The following BLOC1S3 variants were observed in gnomAD, a reference collection of about 807,000 sequenced individuals.
BLOC1S3 encodes the protein biogenesis of lysosome-related organelles complex 1 subunit 3.
BLOC1S3 carries 7 observed loss-of-function variants against 9.1 expected under a neutral mutation model. That is an observed-to-expected ratio of 0.77 (90% CI 0.44 to 1.45). BLOC1S3 has a LOEUF of 1.45. BLOC1S3 is among the 40% of genes most tolerant of loss of function. The probability of loss-of-function intolerance (pLI) is 0.01; values close to 1 mark genes in which losing one functional copy is unlikely to be tolerated. For missense variants in BLOC1S3, 307 were observed against 315.2 expected (o/e 0.97, Z 0.20); for synonymous variants, 145 against 158.4 (o/e 0.92, Z 0.64).
At chr19:45,212,918 A>G (rs1376670639) in intron 3 of BLOC1S3, 2 of 863,792 alleles carry the variant, frequency 2.3e-6, no homozygotes, top group South Asian at 2.3e-5. Flanking sequence ...CCTTCTGTAC[A>G]GGGAGTTTGG....
chr19:45,216,226 C>A, intron 3 of BLOC1S3: 1 of 1,609,420 alleles, frequency 6.2e-7, no homozygotes, highest in Non-Finnish European at 8.5e-7. Flanking sequence ...GGGTCACACC[C>A]TCCCAAGATT....
chr19:45,186,760 G>A (rs1399843938), downstream of BLOC1S3, among the ~76,000 whole-genome samples: 2 of 152,144 alleles, frequency 1.3e-5, no homozygotes, highest in Non-Finnish European at 2.9e-5. Flanking sequence ...ACCACACCCA[G>A]CCTCAACACC....
At chr19:45,204,568 G>T (rs557629953) in intron 3 of BLOC1S3, among the ~76,000 whole-genome samples, 235 of 152,208 alleles carry the variant, frequency 1.5e-3, no homozygotes, top group African/African-American at 5.5e-3. Context: ...TCATCCAAAG[G>T]CTCAGCTGGG....
intron 2 of BLOC1S3, among the ~76,000 whole-genome samples, chr19:45,189,494 G>A (rs1969589356): frequency 6.7e-6 from 1 of 149,544 alleles, no homozygotes; most frequent in South Asian, 2.1e-4. Context: ...GTGTAATGGT[G>A]CGATCTCACC....
At chr19:45,204,358 T>C (rs937244512) in intron 3 of BLOC1S3, among the ~76,000 whole-genome samples, 1 of 151,710 alleles carries the variant, frequency 6.6e-6, no homozygotes, top group Non-Finnish European at 1.5e-5. Context: ...CCCCAGCTAA[T>C]TTTTTTGTAT....
At chr19:45,203,974 C>T (rs4802249) in intron 3 of BLOC1S3, among the ~76,000 whole-genome samples, 2 of 152,016 alleles carry the variant, frequency 1.3e-5, no homozygotes, top group Admixed American at 6.6e-5. Flanking sequence ...AATATGACAT[C>T]TCATGGTTCA....
rs755013546 is a variant in BLOC1S3 at position 45,180,967 on chromosome 19, T to C, written c.*1062T>C. On this transcript the variant is annotated 3_prime_UTR_variant, in exon 2 of 2. Transcript: ENST00000433642. The stretch of plus-strand genomic sequence containing the variant: ...GTCTCGAACTCCTGGCCTCAGGTGA[T>C]CCACCCGCCTCACCTCCTAAAATGC... 2 of 166,188 alleles carry C rather than the reference T, an allele frequency of 1.2e-5. No individual in the cohort carries two copies. The highest frequency in any genetic ancestry group is 1.5e-5 in the Non-Finnish European group (1 of 68,220). The allele number at this position is 166,188 out of a possible 1,614,324, so 10.3% of individuals were successfully genotyped here.
At chr19:45,206,202 CA>C (rs547022330) in intron 3 of BLOC1S3, among the ~76,000 whole-genome samples, 1 of 151,438 alleles carries the variant, frequency 6.6e-6, no homozygotes, top group Non-Finnish European at 1.5e-5. Context: ...ATATATATAC[CA>C]AAAATTAGCT....
At chr19:45,184,903 C>CAAAACAAAAAAA (rs1969554675), downstream of BLOC1S3, among the ~76,000 whole-genome samples, 1 of 48,276 alleles carries the variant, frequency 2.1e-5, no homozygotes, top group Non-Finnish European at 4.0e-5. Flanking sequence ...CTGTCTCAAA[C>CAAAACAAAAAAA]AAAAAAAAAA....
At position 45,179,382 on chromosome 19, in the gene BLOC1S3, G is replaced by GC. The variant is rs1568469630; in HGVS notation, c.87dup (p.Ser30LeufsTer115). The stretch of plus-strand genomic sequence containing the variant: ...GAGGCGACCGAGACGGATTCCGAGC[G>GC]CTCTGCGTCCTCGTCGGAGGAGGAG... On this transcript the variant is annotated frameshift_variant, in exon 2 of 2. Transcript: ENST00000433642. LOFTEE classifies it high-confidence loss of function. The surrounding 1 kb of genome is among the most constrained non-coding windows in gnomAD (Gnocchi z 4.6). The GC allele has an allele frequency of 1.9e-6, 3 of 1,581,344 alleles. No homozygotes were observed. The highest frequency in any genetic ancestry group is 2.6e-6 in the Non-Finnish European group (3 of 1,171,914).
At chr19:45,214,881 C>T (rs780261797) in intron 3 of BLOC1S3, among the ~76,000 whole-genome samples, 10 of 152,032 alleles carry the variant, frequency 6.6e-5, no homozygotes, top group Non-Finnish European at 1.3e-4. Flanking sequence ...ATAGGCCAAG[C>T]GCAGTGGCTC....
chr19:45,201,182 G>C (rs891331821), intron 2 of BLOC1S3, among the ~76,000 whole-genome samples: 3 of 146,654 alleles, frequency 2.0e-5, no homozygotes, highest in Non-Finnish European at 3.0e-5. Flanking sequence ...CAGCCTGGGC[G>C]ACAGAGTAAG....
intron 2 of BLOC1S3, among the ~76,000 whole-genome samples, chr19:45,195,034 G>A (rs185868475): frequency 7.9e-5 from 12 of 151,126 alleles, no homozygotes; most frequent in East Asian, 7.8e-4. Context: ...CAGTTCAAGC[G>A]AGTCTCCTGC....
chr19:45,185,151 G>A (rs1969557948), downstream of BLOC1S3, among the ~76,000 whole-genome samples: 1 of 152,088 alleles, frequency 6.6e-6, no homozygotes, highest in African/African-American at 2.4e-5. Flanking sequence ...ACTGGGGTAA[G>A]AGAGACTATT....
At chr19:45,195,929 A>G (rs117783785) in intron 2 of BLOC1S3, among the ~76,000 whole-genome samples, 3,168 of 152,290 alleles carry the variant, frequency 0.021, 127 homozygotes, top group Admixed American at 0.11. Flanking sequence ...CTTGGAGAGC[A>G]TTCTAATCAG....
intron 3 of BLOC1S3, among the ~76,000 whole-genome samples, chr19:45,210,487 T>G (rs1413628185): frequency 6.6e-6 from 1 of 151,656 alleles, no homozygotes; most frequent in Non-Finnish European, 1.5e-5. Flanking sequence ...TTAGTAGAGA[T>G]GTGGTTTCTC....
intron 2 of BLOC1S3, among the ~76,000 whole-genome samples, chr19:45,190,657 C>T (rs190784933): frequency 6.6e-6 from 1 of 151,874 alleles, no homozygotes; most frequent in Non-Finnish European, 1.5e-5. Flanking sequence ...CCACCTCAGC[C>T]TCCCAAAATG....
chr19:45,200,671 A>G (rs1300950276), intron 2 of BLOC1S3, among the ~76,000 whole-genome samples: 1 of 152,018 alleles, frequency 6.6e-6, no homozygotes, highest in African/African-American at 2.4e-5. Context: ...TGTTTAGTTC[A>G]CTTGGTGAGG....
downstream of BLOC1S3, among the ~76,000 whole-genome samples, chr19:45,183,466 ACT>A (rs1020455331): frequency 7.5e-5 from 11 of 146,192 alleles, no homozygotes; most frequent in South Asian, 1.1e-3. Flanking sequence ...ACAGAGCAAG[ACT>A]CTGTCTCAAA....
Sources: gnomAD v4.1 joint callset for allele counts (sites outside exome capture counted in the v4.1 genomes callset) on GRCh38, gnomAD v4.1.1 for gene constraint, Gnocchi (gnomAD v3.1) non-coding constraint, MANE v1.5 for transcripts, NCBI Gene and HGNC (gene_info 2026-07-23, HGNC 2026-07-21) for gene names.